PABPC4L: variants seen among roughly 807,000 people sequenced by gnomAD.
PABPC4L encodes the protein poly(A) binding protein cytoplasmic 4 like, also known as polyadenylate-binding protein 4-like.
For synonymous variants in PABPC4L, 169 were observed against 164.1 expected, an observed-to-expected ratio of 1.03 and a Z score of -0.23; for missense variants, 452 against 451.4, an observed-to-expected ratio of 1.00 and a Z score of -0.01.
the PABPC4L span, among the ~76,000 whole-genome samples, chr4:133,966,544 T>C: frequency 6.6e-6 from 1 of 152,180 alleles, no homozygotes; most frequent in Non-Finnish European, 1.5e-5. Context: ...TGCAAAATCG[T>C]GGAACCAACC....
the PABPC4L span, among the ~76,000 whole-genome samples, chr4:134,024,618 C>A: frequency 1.3e-5 from 2 of 152,022 alleles, no homozygotes; most frequent in Non-Finnish European, 2.9e-5. Context: ...TTTTAAGGCC[C>A]TTTCTCCAAC....
chr4:134,059,635 C>G, the PABPC4L span, among the ~76,000 whole-genome samples: 34 of 150,648 alleles, frequency 2.3e-4, no homozygotes, highest in Non-Finnish European at 4.0e-4. Context: ...AGAAATAGAA[C>G]TATAGAAATA....
chr4:134,013,890 T>A, the PABPC4L span, among the ~76,000 whole-genome samples: 4 of 150,970 alleles, frequency 2.6e-5, no homozygotes, highest in Non-Finnish European at 4.5e-5. Context: ...ATAATCCTTT[T>A]ATCACCTCCC....
the PABPC4L span, among the ~76,000 whole-genome samples, chr4:134,143,318 ATAT>A: frequency 6.7e-6 from 1 of 150,182 alleles, no homozygotes; most frequent in Non-Finnish European, 1.5e-5. Flanking sequence ...AATATTTACT[ATAT>A]TAACTATGTT....
the PABPC4L span, among the ~76,000 whole-genome samples, chr4:134,066,654 C>T: frequency 6.6e-6 from 1 of 152,026 alleles, no homozygotes; most frequent in African/African-American, 2.4e-5. Context: ...TTTGCCCGTA[C>T]AGTATGATGT....
the PABPC4L span, among the ~76,000 whole-genome samples, chr4:134,064,521 C>G: frequency 6.6e-6 from 1 of 152,022 alleles, no homozygotes; most frequent in African/African-American, 2.4e-5. Context: ...TTTATAAAGT[C>G]TGCCTCTCTC....
the PABPC4L span, among the ~76,000 whole-genome samples, chr4:134,007,747 T>C: frequency 6.6e-6 from 1 of 151,722 alleles, no homozygotes; most frequent in Non-Finnish European, 1.5e-5. Context: ...AAAATATCTG[T>C]ATGACCAAAA....
Position 134,200,822 on chromosome 4 carries a change from C to T in PABPC4L, c.198G>A (p.Lys66=). 1.3e-6 allele frequency: 2 copies of T among 1,554,198 alleles called. No homozygotes were observed. The highest frequency in any genetic ancestry group is 1.7e-6 in the Non-Finnish European group (2 of 1,148,420). The change falls in exon 2 of 2, where the codon AAG becomes AAA. Residue 66 remains lysine (K), a synonymous_variant. Coordinates refer to ENST00000421491, the MANE Select transcript of PABPC4L (RefSeq NM_001114734.2). Reference sequence around the variant, plus strand: ...TGTCAAAGTTCATTGTGTCCAGCGCCTTCTGGGCATCAGCCAGCTGCAAGA... The same window carrying T: ...TGTCAAAGTTCATTGTGTCCAGCGCTTTCTGGGCATCAGCCAGCTGCAAGA... ...VNFLQLADAQ[K]ALDTMNFDII...
the PABPC4L span, among the ~76,000 whole-genome samples, chr4:134,017,685 T>C: frequency 6.6e-6 from 1 of 152,180 alleles, no homozygotes; most frequent in Non-Finnish European, 1.5e-5. Context: ...CTCCTTCTCT[T>C]ATTCCGTTTA....
At chr4:134,143,285 AAAT>A in the PABPC4L span, among the ~76,000 whole-genome samples, 9 of 150,276 alleles carry the variant, frequency 6.0e-5, no homozygotes, top group African/African-American at 1.7e-4. Context: ...TAAATATAAT[AAAT>A]ATTATGTGTG....
At chr4:134,015,466 T>C in the PABPC4L span, among the ~76,000 whole-genome samples, 124,084 of 152,040 alleles carry the variant, frequency 0.82, 51,168 homozygotes, top group East Asian at 1. Flanking sequence ...AGCCTCTCTT[T>C]GCTTTCACTT....
the PABPC4L span, among the ~76,000 whole-genome samples, chr4:134,024,514 G>C: frequency 4.6e-5 from 7 of 152,092 alleles, no homozygotes; most frequent in Non-Finnish European, 7.4e-5. Context: ...TGGGTGAAGA[G>C]GGAGAGCTGT....
chr4:134,176,384 C>A, the PABPC4L span, among the ~76,000 whole-genome samples: 2 of 152,026 alleles, frequency 1.3e-5, no homozygotes, highest in Admixed American at 6.6e-5. Flanking sequence ...GGTGTGGTGG[C>A]TTATCCCCGT....
At chr4:133,981,487 T>C in the PABPC4L span, among the ~76,000 whole-genome samples, 1 of 152,166 alleles carries the variant, frequency 6.6e-6, no homozygotes, top group Non-Finnish European at 1.5e-5. Flanking sequence ...ACTAATGTTA[T>C]TCACCATCAG....
At chr4:134,154,763 T>C in the PABPC4L span, among the ~76,000 whole-genome samples, 2 of 151,732 alleles carry the variant, frequency 1.3e-5, no homozygotes, top group African/African-American at 4.8e-5. Flanking sequence ...TAGAATTTTT[T>C]TAATTTTTAA....
At chr4:134,025,292 C>A in the PABPC4L span, among the ~76,000 whole-genome samples, 5 of 117,892 alleles carry the variant, frequency 4.2e-5, no homozygotes, top group East Asian at 1.2e-3. Context: ...GGCAACAGAG[C>A]GAGAATTCAT....
the PABPC4L span, among the ~76,000 whole-genome samples, chr4:134,051,883 T>C: frequency 2.0e-5 from 3 of 152,198 alleles, no homozygotes; most frequent in African/African-American, 7.2e-5. Flanking sequence ...TCAGATGTTA[T>C]ATATAGTCAT....
downstream of PABPC4L, among the ~76,000 whole-genome samples, chr4:134,192,224 G>T (rs1729530887): frequency 6.6e-6 from 1 of 152,016 alleles, no homozygotes; most frequent in Admixed American, 6.6e-5. Flanking sequence ...CTCCAACATG[G>T]ATGAAACTTT....
chr4:134,046,047 A>C, the PABPC4L span, among the ~76,000 whole-genome samples: 1 of 152,164 alleles, frequency 6.6e-6, no homozygotes, highest in South Asian at 2.1e-4. Context: ...CAAGAGACTG[A>C]GAAAATAAAT....
Sources: gnomAD v4.1 joint callset for allele counts (sites outside exome capture counted in the v4.1 genomes callset) on GRCh38, gnomAD v4.1.1 for gene constraint, MANE v1.5 for transcripts, NCBI Gene and HGNC (gene_info 2026-07-23, HGNC 2026-07-21) for gene names.